GNB4: variants seen among roughly 807,000 people sequenced by gnomAD.
The protein encoded by GNB4 is G protein subunit beta 4, also known as guanine nucleotide-binding protein subunit beta-4.
Under a neutral mutation model 45.2 loss-of-function variants are expected in GNB4, and 28 were observed. The ratio of observed to expected loss-of-function variants is 0.62; its 90% CI spans 0.46 to 0.85. The LOEUF is 0.85. Among genes scored for constraint, GNB4 ranks in the 40% least tolerant of loss-of-function variants. The probability of loss-of-function intolerance (pLI) is 0.00; values close to 1 mark genes in which losing one functional copy is unlikely to be tolerated. For synonymous variants in GNB4, 132 were observed against 143.7 expected, an observed-to-expected ratio of 0.92 and a Z score of 0.58; for missense variants, 321 against 425.4, an observed-to-expected ratio of 0.75 and a Z score of 2.16.
At chr3:179,491,811 A>G in the GNB4 span, among the ~76,000 whole-genome samples, 2 of 152,208 alleles carry the variant, frequency 1.3e-5, no homozygotes, top group African/African-American at 2.4e-5. Context: ...TGGTTACATC[A>G]CCATTCCTAA....
intron 1 of GNB4, among the ~76,000 whole-genome samples, chr3:179,433,389 TA>T (rs1715361180): frequency 6.6e-6 from 1 of 152,128 alleles, no homozygotes; most frequent in Non-Finnish European, 1.5e-5. Context: ...TGACAATTTT[TA>T]TAATTATTCC....
At chr3:179,489,010 AAAAAAAAAAATATATAT>A in the GNB4 span, among the ~76,000 whole-genome samples, 2 of 50,434 alleles carry the variant, frequency 4.0e-5, no homozygotes, top group African/African-American at 2.0e-4. Flanking sequence ...AAAAAAAAAA[AAAAAAAAAAATATATAT>A]ATATATATAT....
At chr3:179,489,153 C>T in the GNB4 span, among the ~76,000 whole-genome samples, 1 of 147,388 alleles carries the variant, frequency 6.8e-6, no homozygotes, top group Non-Finnish European at 1.5e-5. Context: ...TTTATAAATA[C>T]CATATCAATT....
the GNB4 span, among the ~76,000 whole-genome samples, chr3:179,481,117 C>T: frequency 2.0e-5 from 3 of 152,132 alleles, no homozygotes; most frequent in South Asian, 2.1e-4. Flanking sequence ...TCCCAAAGTG[C>T]TGGGATTACA....
chr3:179,410,054 G>A (rs1001266254), intron 8 of GNB4, among the ~76,000 whole-genome samples: 12 of 152,036 alleles, frequency 7.9e-5, no homozygotes, highest in Non-Finnish European at 1.3e-4. Flanking sequence ...TTCCCCCTTC[G>A]CTCGGCACTC....
At chr3:179,422,030 T>C (rs1714995983) in intron 2 of GNB4, among the ~76,000 whole-genome samples, 1 of 152,206 alleles carries the variant, frequency 6.6e-6, no homozygotes, top group South Asian at 2.1e-4. Context: ...ACTATCTTTT[T>C]TAATTTAGTT....
chr3:179,514,464 G>A, the GNB4 span, among the ~76,000 whole-genome samples: 10 of 152,290 alleles, frequency 6.6e-5, no homozygotes, highest in African/African-American at 2.2e-4. Context: ...AAGTTTACAG[G>A]GCAAGGGTGT....
intron 1 of GNB4, among the ~76,000 whole-genome samples, chr3:179,446,627 T>C (rs1326637229): frequency 6.6e-6 from 1 of 152,236 alleles, no homozygotes. Context: ...ATCTAGGTTC[T>C]TGTATTTTAG....
At chr3:179,517,939 G>A in the GNB4 span, among the ~76,000 whole-genome samples, 1 of 152,136 alleles carries the variant, frequency 6.6e-6, no homozygotes, top group African/African-American at 2.4e-5. Context: ...TTAGTGGCAA[G>A]TACCGCTTTT....
At chr3:179,422,743 T>C (rs576575080) in intron 2 of GNB4, among the ~76,000 whole-genome samples, 7 of 152,282 alleles carry the variant, frequency 4.6e-5, no homozygotes, top group African/African-American at 1.4e-4. Flanking sequence ...ATTTACACTA[T>C]AGTAAGGTAA....
At chr3:179,438,724 T>G (rs2108615725) in intron 1 of GNB4, among the ~76,000 whole-genome samples, 1 of 152,362 alleles carries the variant, frequency 6.6e-6, no homozygotes, top group East Asian at 1.9e-4. Flanking sequence ...GGGAGAGGAC[T>G]AAAACAATCC....
At chr3:179,509,370 T>C in the GNB4 span, among the ~76,000 whole-genome samples, 2 of 152,098 alleles carry the variant, frequency 1.3e-5, no homozygotes, top group Admixed American at 6.5e-5. Flanking sequence ...GAAATAACAC[T>C]ACGAAATAAA....
chr3:179,500,990 G>C, the GNB4 span, among the ~76,000 whole-genome samples: 40 of 152,280 alleles, frequency 2.6e-4, no homozygotes, highest in African/African-American at 9.4e-4. Flanking sequence ...CTGAGATGAT[G>C]GGGTTTTCTA....
the GNB4 span, among the ~76,000 whole-genome samples, chr3:179,477,713 T>C: frequency 6.6e-6 from 1 of 152,158 alleles, no homozygotes; most frequent in South Asian, 2.1e-4. Flanking sequence ...CTCTATTTTT[T>C]TAATGTAAAA....
the GNB4 span, among the ~76,000 whole-genome samples, chr3:179,514,999 TGA>T: frequency 1.1e-3 from 167 of 152,306 alleles, no homozygotes; most frequent in Middle Eastern, 0.014. Context: ...GTTAAATAAG[TGA>T]GATTGACTTT....
chr3:179,461,229 T>C, the GNB4 span, among the ~76,000 whole-genome samples: 397 of 152,264 alleles, frequency 2.6e-3, 2 homozygotes, highest in African/African-American at 9.0e-3. Flanking sequence ...AATCCTAATA[T>C]ATAATTTTTA....
the GNB4 span, among the ~76,000 whole-genome samples, chr3:179,506,002 G>T: frequency 3.9e-5 from 6 of 152,208 alleles, no homozygotes; most frequent in African/African-American, 1.4e-4. Context: ...GCAATATTTG[G>T]CAAAATTAAG....
chr3:179,456,205 C>G (rs890581499), upstream of GNB4, among the ~76,000 whole-genome samples: 4 of 149,902 alleles, frequency 2.7e-5, no homozygotes, highest in Non-Finnish European at 5.9e-5. Context: ...TCAGGTGATT[C>G]TCGAGCCTCC....
intron 8 of GNB4, among the ~76,000 whole-genome samples, chr3:179,411,111 T>C (rs1577027521): frequency 6.6e-6 from 1 of 152,142 alleles, no homozygotes; most frequent in Non-Finnish European, 1.5e-5. Flanking sequence ...AAATTAATAA[T>C]CACAGTTTAC....
Sources: gnomAD v4.1 joint callset for allele counts (sites outside exome capture counted in the v4.1 genomes callset) on GRCh38, gnomAD v4.1.1 for gene constraint, MANE v1.5 for transcripts, NCBI Gene and HGNC (gene_info 2026-07-23, HGNC 2026-07-21) for gene names.